ATL2: variants seen among roughly 807,000 people sequenced by gnomAD.
ATL2 encodes the protein atlastin-2.
A neutral mutation model predicts 73.9 loss-of-function variants in ATL2; 31 were observed. The ratio of observed to expected loss-of-function variants is 0.42; its 90% CI spans 0.32 to 0.57. ATL2 has a LOEUF of 0.57. ATL2 is among the 20% of genes least tolerant of loss of function. ATL2 has a pLI of 0.14. For missense variants in ATL2, 738 were observed against 702.6 expected (o/e 1.05, Z -0.57); for synonymous variants, 291 against 237.5 (o/e 1.23, Z -2.07).
chr2:38,345,266 A>T (rs916342313), intron 1 of ATL2, among the ~76,000 whole-genome samples: 1 of 152,226 alleles, frequency 6.6e-6, no homozygotes, highest in African/African-American at 2.4e-5. Flanking sequence ...CTGAGGAGAA[A>T]GCCAGTCCAC....
chr2:38,332,276 G>C (rs1669043492), intron 2 of ATL2, among the ~76,000 whole-genome samples: 1 of 152,090 alleles, frequency 6.6e-6, no homozygotes, highest in Non-Finnish European at 1.5e-5. Context: ...GCACAATCAG[G>C]GCTCACTGTA....
At chr2:38,324,699 G>C (rs1464078855) in intron 2 of ATL2, among the ~76,000 whole-genome samples, 2 of 152,210 alleles carry the variant, frequency 1.3e-5, no homozygotes, top group African/African-American at 2.4e-5. Context: ...ACATGCTGAA[G>C]AGGAATTTAA....
chr2:38,377,165 G>A lies in ATL2; in HGVS notation c.96C>T (p.His32=), dbSNP rs576157865. 6.2e-7 allele frequency: 1 copy of A among 1,610,848 alleles called. No individual in the cohort carries two copies. The highest frequency in any genetic ancestry group is 1.3e-5 in the African/African-American group (1 of 74,898). Residue 32 remains histidine, a synonymous_variant, in exon 1 of 13, where the codon CAC becomes CAT. Coordinates refer to ENST00000378954, the MANE Select transcript of ATL2 (RefSeq NM_001135673.4). The stretch of plus-strand genomic sequence containing the variant: ...TACCTAGGGAGGTCGTGGACGAGAC[G>A]TGGTTAACCGCGGCGCTTGGGTCGC... ...RTSDPSAAVN[H]VSSTTSLGEN...
intron 2 of ATL2, among the ~76,000 whole-genome samples, chr2:38,324,417 G>A (rs1668488811): frequency 6.6e-6 from 1 of 152,206 alleles, no homozygotes; most frequent in Admixed American, 6.5e-5. Flanking sequence ...TGAACACTCA[G>A]CACCCAAAGT....
chr2:38,359,075 G>C (rs1670856330), intron 1 of ATL2, among the ~76,000 whole-genome samples: 1 of 152,116 alleles, frequency 6.6e-6, no homozygotes, highest in African/African-American at 2.4e-5. Flanking sequence ...AAGACTCCAG[G>C]AAACGACTTA....
intron 1 of ATL2, among the ~76,000 whole-genome samples, chr2:38,344,361 A>G (rs1374103393): frequency 3.3e-5 from 5 of 152,164 alleles, no homozygotes; most frequent in African/African-American, 1.2e-4. Flanking sequence ...TGTAATCCCA[A>G]CACTTTGGGA....
chr2:38,308,306 T>C (rs1667562964), intron 9 of ATL2, among the ~76,000 whole-genome samples: 1 of 152,212 alleles, frequency 6.6e-6, no homozygotes, highest in Admixed American at 6.5e-5. Flanking sequence ...TCCAACAACA[T>C]GGTGGAACTG....
At chr2:38,333,009 G>C (rs578108410) in intron 2 of ATL2, among the ~76,000 whole-genome samples, 81 of 152,228 alleles carry the variant, frequency 5.3e-4, no homozygotes, top group African/African-American at 1.9e-3. Flanking sequence ...CTGGGCAACA[G>C]AGTGAGACTT....
chr2:38,367,337 C>T (rs1671387476), intron 1 of ATL2, among the ~76,000 whole-genome samples: 1 of 151,678 alleles, frequency 6.6e-6, no homozygotes, highest in African/African-American at 2.4e-5. Context: ...GGCGCGGTGG[C>T]TCATGCCTAT....
chr2:38,328,533 G>C (rs1037592103), intron 2 of ATL2, among the ~76,000 whole-genome samples: 4 of 152,002 alleles, frequency 2.6e-5, no homozygotes, highest in African/African-American at 4.8e-5. Flanking sequence ...AACACAGCTG[G>C]AAAACTCCCC....
intron 1 of ATL2, among the ~76,000 whole-genome samples, chr2:38,358,155 C>T: frequency 6.6e-6 from 1 of 152,110 alleles, no homozygotes; most frequent in East Asian, 1.9e-4. Flanking sequence ...CTCTATTTCA[C>T]AAGTGTTTAG....
intron 2 of ATL2, among the ~76,000 whole-genome samples, chr2:38,330,762 G>T (rs1173863732): frequency 6.6e-6 from 1 of 152,166 alleles, no homozygotes; most frequent in Non-Finnish European, 1.5e-5. Context: ...CATATTCATG[G>T]ACTGTTAGAC....
At position 38,319,226 on chromosome 2, in the gene ATL2, G is replaced by C. The variant is rs147591640; in HGVS notation, c.364-207C>G. Among the ~76,000 whole-genome samples the C allele has an allele frequency of 1.7e-3, 255 of 152,190 alleles. 1 individual carries two copies. The highest frequency in any genetic ancestry group is 2.9e-3 in the Non-Finnish European group (194 of 68,012). ...TAGAGACGTGGTCTCCTCCAAACTC[G>C]AATCTTCTCAAATCAGCTCACACTA... is the stretch of plus-strand genomic sequence containing the variant. On this transcript the variant is annotated intron_variant, in intron 2 of 12. Transcript: ENST00000378954.
rs61756317 is a variant in ATL2 at position 38,298,465 on chromosome 2, T to C, written c.1311A>G (p.Gly437=). 8.4e-4 allele frequency: 1,351 copies of C among 1,614,218 alleles called. 1 individual carries two copies. Among genetic ancestry groups the C allele is most frequent in the Middle Eastern group, 2.5e-3 (15 of 6,062 alleles). Residue 437 remains glycine (G), a synonymous_variant, in exon 12 of 13, where the codon GGA becomes GGG. Transcript: ENST00000378954. The part of the protein sequence containing the change: ...KQFRSVKKMG[G]DEFCRRYQDQ... ...CCTGATAACGACGGCAGAACTCATC[T>C]CCACCCATCTTTTTTACTGAACGAA...
intron 1 of ATL2, 27 bp downstream of exon 1, chr2:38,377,116 C>T (rs1179395308): frequency 1.2e-6 from 2 of 1,600,930 alleles, no homozygotes; most frequent in Non-Finnish European, 1.7e-6. Context: ...ATCAGGGCCC[C>T]GCGGCCTCTG....
At chr2:38,310,152 T>C (rs1015844510) in intron 8 of ATL2, among the ~76,000 whole-genome samples, 157 bp downstream of exon 8, 1 of 152,222 alleles carries the variant, frequency 6.6e-6, no homozygotes, top group African/African-American at 2.4e-5. Flanking sequence ...AATGGAATGC[T>C]AGAGAAACAA....
At chr2:38,298,059 A>G (rs2148398796) in intron 12 of ATL2, 85 bp downstream of exon 12, 1 of 1,303,640 alleles carries the variant, frequency 7.7e-7, no homozygotes, top group Non-Finnish European at 1.1e-6. Flanking sequence ...ACATGAAGGC[A>G]AAGTCGGAGT....
intron 10 of ATL2, 109 bp downstream of exon 10, chr2:38,300,163 C>A: frequency 2.1e-6 from 2 of 942,040 alleles, no homozygotes; most frequent in Non-Finnish European, 3.2e-6. Context: ...AATGTGTTTG[C>A]ATGCAAAAAA....
At chr2:38,334,560 T>A (rs372729411) in intron 2 of ATL2, among the ~76,000 whole-genome samples, 1 of 150,992 alleles carries the variant, frequency 6.6e-6, no homozygotes, top group South Asian at 2.1e-4. Flanking sequence ...TAGCCGGGCG[T>A]AGTGGTGCAT....
Sources: gnomAD v4.1 joint callset for allele counts (sites outside exome capture counted in the v4.1 genomes callset) on GRCh38, gnomAD v4.1.1 for gene constraint, MANE v1.5 for transcripts, NCBI Gene and HGNC (gene_info 2026-07-23, HGNC 2026-07-21) for gene names.